Variants in EPB41L5 observed in about 807,000 individuals in gnomAD.
EPB41L5 encodes band 4.1-like protein 5.
Under a neutral mutation model 106.6 loss-of-function variants are expected in EPB41L5, and 55 were observed. That is an observed-to-expected ratio of 0.52 (90% confidence interval 0.42 to 0.65). The LOEUF (loss-of-function observed/expected upper bound fraction) is 0.65. Among genes scored for constraint, EPB41L5 ranks in the 30% least tolerant of loss-of-function variants. EPB41L5 has a pLI of 0.00. For synonymous variants in EPB41L5, 297 were observed against 306.7 expected (o/e 0.97, Z 0.33); for missense variants, 871 against 882.1 (o/e 0.99, Z 0.16).
At chr2:120,048,783 G>A (rs1190868225) in intron 3 of EPB41L5, among the ~76,000 whole-genome samples, 3 of 152,110 alleles carry the variant, frequency 2.0e-5, no homozygotes, top group South Asian at 2.1e-4. Flanking sequence ...TCTCTTGTGG[G>A]CATTTAGTGC....
intron 24 of EPB41L5, among the ~76,000 whole-genome samples, chr2:120,169,545 G>T (rs1479965120): frequency 6.6e-6 from 1 of 152,128 alleles, no homozygotes; most frequent in African/African-American, 2.4e-5. Context: ...TATTATGGAA[G>T]GGGAAGCCAC....
chr2:120,053,499 C>G (rs569386801), intron 3 of EPB41L5, among the ~76,000 whole-genome samples: 12 of 152,120 alleles, frequency 7.9e-5, no homozygotes, highest in Non-Finnish European at 1.8e-4. Flanking sequence ...CAGTCATTTC[C>G]CATTTACCCC....
At chr2:120,059,845 A>G (rs912343008) in intron 3 of EPB41L5, among the ~76,000 whole-genome samples, 2 of 152,192 alleles carry the variant, frequency 1.3e-5, no homozygotes, top group African/African-American at 4.8e-5. Context: ...CAGCCACTGC[A>G]CCTCAAACCT....
At chr2:120,033,841 C>G (rs148432933) in intron 2 of EPB41L5, among the ~76,000 whole-genome samples, 1 of 152,084 alleles carries the variant, frequency 6.6e-6, no homozygotes, top group South Asian at 2.1e-4. Flanking sequence ...CGCTTATAAT[C>G]CCAGCACTTT....
intron 14 of EPB41L5, among the ~76,000 whole-genome samples, chr2:120,096,867 T>C (rs565007363): frequency 1.3e-5 from 2 of 152,224 alleles, no homozygotes; most frequent in South Asian, 4.1e-4. Flanking sequence ...GTTTATTTAA[T>C]GTATTATGTC....
intron 7 of EPB41L5, among the ~76,000 whole-genome samples, chr2:120,076,519 G>T (rs181593385): frequency 3.8e-5 from 4 of 104,346 alleles, no homozygotes; most frequent in African/African-American, 1.5e-4. Flanking sequence ...TTGCTATGTT[G>T]CCTAGACTGG....
chr2:120,133,657 A>T (rs1238391163), intron 18 of EPB41L5, among the ~76,000 whole-genome samples: 1 of 152,152 alleles, frequency 6.6e-6, no homozygotes, highest in Non-Finnish European at 1.5e-5. Flanking sequence ...TAAGCTCCTA[A>T]ATAAATTTGA....
chr2:120,146,318 T>C (rs756703398), intron 20 of EPB41L5, 29 bp downstream of exon 20: 3 of 1,520,712 alleles, frequency 2.0e-6, no homozygotes, highest in East Asian at 2.3e-5. Flanking sequence ...TGAATTAAAT[T>C]GATGTTCTTA....
chr2:120,111,555 C>T lies in EPB41L5; in HGVS notation c.1337+10741C>T, dbSNP rs73952035. ...GAGCACCTTATAGTCATCTTGACTCCTCTTTGTCTCACACTCCAGATTTCT... is the reference window on the plus strand; with the variant it reads ...GAGCACCTTATAGTCATCTTGACTCTTCTTTGTCTCACACTCCAGATTTCT... On this transcript the variant is annotated intron_variant, in intron 16 of 24. Coordinates refer to ENST00000263713, the MANE Select transcript of EPB41L5 (RefSeq NM_020909.4). Among the ~76,000 whole-genome samples the T allele has an allele frequency of 5.2e-3, 788 of 152,268 alleles. 4 individuals are homozygous for T. Among genetic ancestry groups the T allele is most frequent in the African/African-American group, 0.018 (758 of 41,550 alleles).
Position 120,122,885 on chromosome 2 carries a change from T to C in EPB41L5, c.1338-4803T>C, listed in dbSNP as rs913415363. ...TTTGTAGTTCTCCTTGAAGAGGTCC[T>C]TCACATGCCTTTACCCAGGTATTTT... On this transcript the variant is annotated intron_variant, in intron 16 of 24. Transcript: ENST00000263713. Among the ~76,000 whole-genome samples, 4 of 152,228 alleles carry C rather than the reference T, an allele frequency of 2.6e-5. No homozygotes were observed. The East Asian group carries it at 7.7e-4, about 29-fold the overall frequency.
intron 20 of EPB41L5, among the ~76,000 whole-genome samples, chr2:120,157,465 C>CA (rs1178464918): frequency 1.3e-5 from 2 of 151,240 alleles, no homozygotes; most frequent in Admixed American, 6.6e-5. Context: ...GATCAAGACA[C>CA]AAAAAAACAC....
intron 3 of EPB41L5, among the ~76,000 whole-genome samples, chr2:120,044,199 A>G (rs1398429084): frequency 2.0e-5 from 3 of 150,462 alleles, no homozygotes. Context: ...TTGTGAAACT[A>G]TTTTTCATAG....
intron 16 of EPB41L5, among the ~76,000 whole-genome samples, chr2:120,113,359 A>G (rs768391557): frequency 2.0e-5 from 3 of 152,220 alleles, no homozygotes; most frequent in Non-Finnish European, 4.4e-5. Flanking sequence ...AAATTACTCC[A>G]AATTATGGAA....
chr2:120,028,183 A>T (rs10194850), intron 2 of EPB41L5, among the ~76,000 whole-genome samples: 203 of 149,728 alleles, frequency 1.4e-3, no homozygotes, highest in African/African-American at 4.3e-3. Context: ...TTTTTTTTTT[A>T]AAAAGAATGC....
chr2:120,019,826 G>A (rs1677805112), intron 2 of EPB41L5, among the ~76,000 whole-genome samples: 1 of 152,074 alleles, frequency 6.6e-6, no homozygotes, highest in Non-Finnish European at 1.5e-5. Flanking sequence ...CTTTGCTCCT[G>A]AAGTATTTTG....
intron 3 of EPB41L5, among the ~76,000 whole-genome samples, chr2:120,056,711 T>G (rs1156652445): frequency 6.6e-6 from 1 of 151,894 alleles, no homozygotes; most frequent in Non-Finnish European, 1.5e-5. Context: ...ATGCTGGTCT[T>G]GTAGACGAGG....
intron 3 of EPB41L5, among the ~76,000 whole-genome samples, chr2:120,050,969 A>G (rs1574535886): frequency 1.3e-5 from 2 of 152,204 alleles, no homozygotes; most frequent in South Asian, 4.1e-4. Context: ...GCTGCAGAAC[A>G]GTGAATATTG....
chr2:120,084,798 A>G (rs1050609449), intron 10 of EPB41L5, among the ~76,000 whole-genome samples: 2 of 152,084 alleles, frequency 1.3e-5, no homozygotes, highest in South Asian at 2.1e-4. Flanking sequence ...ACGTAGTCCC[A>G]TATTTCTTGG....
At chr2:120,058,500 G>T (rs6734822) in intron 3 of EPB41L5, among the ~76,000 whole-genome samples, 96,387 of 152,098 alleles carry the variant, frequency 0.63, 31,970 homozygotes, top group Middle Eastern at 0.74. Context: ...GATAGGGATA[G>T]AGACAGAGAA....
Sources: allele counts gnomAD v4.1 joint callset (sites outside exome capture counted in the v4.1 genomes callset), GRCh38; gene constraint gnomAD v4.1.1; transcripts MANE v1.5; gene names NCBI Gene and HGNC (gene_info 2026-07-23, HGNC 2026-07-21).